The following PXYLP1 variants were observed in gnomAD, a reference collection of about 807,000 sequenced individuals.
PXYLP1 encodes 2-phosphoxylose phosphatase 1.
Under a neutral mutation model 37.9 loss-of-function variants are expected in PXYLP1, and 17 were observed. The observed-to-expected ratio is 0.45, with a 90% CI of 0.31 to 0.67. The LOEUF (loss-of-function observed/expected upper bound fraction) is 0.67. Ranked by LOEUF, PXYLP1 falls within the 30% of genes least tolerant of loss-of-function variation. The pLI is 0.07. For synonymous variants in PXYLP1, 221 were observed against 232.2 expected (o/e 0.95, Z 0.44); for missense variants, 511 against 612.0 (o/e 0.84, Z 1.74).
At chr3:141,262,224 A>G in intron 2 of PXYLP1, 1 of 941,266 alleles carries the variant, frequency 1.1e-6, no homozygotes. Context: ...AATTTAAAAT[A>G]CTCGTTTTAT....
chr3:141,243,113 C>T (rs1940852456), intron 1 of PXYLP1, among the ~76,000 whole-genome samples: 1 of 152,104 alleles, frequency 6.6e-6, no homozygotes, highest in Admixed American at 6.5e-5. Flanking sequence ...ACTCTACTGC[C>T]CCTGGAATGA....
intron 1 of PXYLP1, among the ~76,000 whole-genome samples, chr3:141,253,440 C>T (rs1399960652): frequency 6.6e-6 from 1 of 152,224 alleles, no homozygotes; most frequent in Non-Finnish European, 1.5e-5. Context: ...TCCCCACCAC[C>T]TTTAACACCA....
intron 3 of PXYLP1, among the ~76,000 whole-genome samples, chr3:141,278,755 C>T (rs1341694013): frequency 6.6e-6 from 1 of 151,362 alleles, no homozygotes; most frequent in African/African-American, 2.4e-5. Flanking sequence ...CAACCCACCA[C>T]AAATGTTTGC....
chr3:141,248,749 G>A (rs1206053677), intron 1 of PXYLP1, among the ~76,000 whole-genome samples: 5 of 6,590 alleles, frequency 7.6e-4, no homozygotes, highest in Admixed American at 1.7e-3. Flanking sequence ...ATATACACAC[G>A]TATATATATA....
intron 1 of PXYLP1, among the ~76,000 whole-genome samples, chr3:141,256,849 G>A (rs1232573372): frequency 2.0e-5 from 3 of 152,098 alleles, no homozygotes; most frequent in African/African-American, 7.2e-5. Flanking sequence ...TCAGAGGAGA[G>A]CCAGAAGTGG....
In PXYLP1 at chr3:141,231,939, GC is replaced by G. The variant is rs575087746; in HGVS notation, c.-54+29del. 3.9e-5 allele frequency: 6 copies of G among 152,754 alleles called. No homozygotes were observed. In the East Asian group the frequency reaches 1.2e-3, roughly 30 times the overall value. 9.5% of individuals were successfully genotyped at this position (152,754 alleles called of 1,614,324 possible). On this transcript the variant is annotated intron_variant, in intron 1 of 5. Coordinates refer to ENST00000286353, the MANE Select transcript of PXYLP1 (RefSeq NM_001037172.3). This position sits in a 1 kb window ranked among gnomAD's most constrained non-coding sequence, Gnocchi z 4.4. ...GAGTGCGGCGCGGGCCTGGGCCGGG[GC>G]GGTTGCCGTTGGGGCCGAGCAGCGC... is the stretch of plus-strand genomic sequence containing the variant.
At chr3:141,285,582 T>G (rs1312168342) in intron 4 of PXYLP1, among the ~76,000 whole-genome samples, 1 of 152,146 alleles carries the variant, frequency 6.6e-6, no homozygotes, top group Non-Finnish European at 1.5e-5. Flanking sequence ...CATTAAGCAG[T>G]CAGATGCCCT....
In PXYLP1 at chr3:141,287,418, A is replaced by G; in HGVS notation, c.470A>G (p.His157Arg). The change falls in exon 5 of 6, where the codon CAC becomes CGC. Residue 157 changes from histidine to arginine, a missense_variant. Coordinates refer to ENST00000286353, the MANE Select transcript of PXYLP1 (RefSeq NM_001037172.3). ...AACTCCTTGCCTCTTTACCCAAATC[A>G]CCCATTGTGTGAGATGGGAGAGCTC... is the stretch of plus-strand genomic sequence containing the variant. Reference protein sequence around the residue: ...PLNSLPLYPNHPLCEMGELTQ... With the variant: ...PLNSLPLYPNRPLCEMGELTQ... The G allele has an allele frequency of 6.2e-7, 1 of 1,613,708 alleles. No individual in the cohort carries two copies. The highest frequency in any genetic ancestry group is 8.5e-7 in the Non-Finnish European group (1 of 1,179,960).
rs1446263717 is a variant in PXYLP1, at chr3:141,274,468, A to G, written c.80-3874A>G. On this transcript the variant is annotated intron_variant, in intron 2 of 5. Transcript: ENST00000286353. ...TCTTCCCCTCCACACAGCCAGCTTC[A>G]TCAGTTTTTCAGGCCCAGCTAGGTG... 1.3e-5 allele frequency: 19 copies of G among 1,508,752 alleles called. No individual in the cohort carries two copies. The East Asian group carries it at 3.9e-4, about 31-fold the overall frequency. The allele number at this position is 1,508,752 out of a possible 1,614,324, so 93.5% of individuals were successfully genotyped here. A position where few individuals can be genotyped will look rare whatever the true frequency, so the allele number is the denominator to read the frequency against.
At chr3:141,238,652 C>T (rs1195428930) in intron 1 of PXYLP1, among the ~76,000 whole-genome samples, 3 of 151,824 alleles carry the variant, frequency 2.0e-5, no homozygotes, top group Non-Finnish European at 2.9e-5. Flanking sequence ...TGGCCCCCCA[C>T]AGTTGAAAAT....
intron 2 of PXYLP1, among the ~76,000 whole-genome samples, chr3:141,277,877 G>C: frequency 6.6e-6 from 1 of 152,172 alleles, no homozygotes; most frequent in East Asian, 1.9e-4. Context: ...TCATGGGTTA[G>C]ATGAGCGACT....
At chr3:141,258,454 A>G (rs145961646) in intron 1 of PXYLP1, 35 of 154,522 alleles carry the variant, frequency 2.3e-4, no homozygotes, top group Non-Finnish European at 4.5e-4. Flanking sequence ...AAGAAGGGCC[A>G]TTCCGCCATT....
chr3:141,274,424 C>G, intron 2 of PXYLP1: 1 of 1,463,080 alleles, frequency 6.8e-7, no homozygotes, highest in Non-Finnish European at 9.0e-7. Context: ...GTTTCACGGC[C>G]TCCCCTCTGC....
chr3:141,263,804 T>C (rs1444716406), intron 2 of PXYLP1, among the ~76,000 whole-genome samples: 1 of 152,240 alleles, frequency 6.6e-6, no homozygotes, highest in African/African-American at 2.4e-5. Context: ...TAATTATTGC[T>C]GTTTTGCAAG....
chr3:141,281,917 C>T (rs1203784574), intron 4 of PXYLP1, among the ~76,000 whole-genome samples: 2 of 152,072 alleles, frequency 1.3e-5, no homozygotes, highest in Non-Finnish European at 2.9e-5. Flanking sequence ...GGCTTCGATA[C>T]CCAGCAAGGG....
chr3:141,286,325 C>T lies in PXYLP1; in HGVS notation c.366-989C>T, dbSNP rs537247942. Among the ~76,000 whole-genome samples the T allele has an allele frequency of 2.4e-4, 37 of 152,192 alleles. 1 individual carries two copies. In the South Asian group the frequency reaches 7.0e-3, roughly 29 times the overall value. ...GATCTCATATATAAACTTTTTTTGA[C>T]ATTTATTATTACCCTATATTAAATG... On this transcript the variant is annotated intron_variant, in intron 4 of 5. Transcript: ENST00000286353.
intron 4 of PXYLP1, among the ~76,000 whole-genome samples, chr3:141,286,070 C>G (rs1375882090): frequency 1.3e-5 from 2 of 152,098 alleles, no homozygotes; most frequent in Admixed American, 6.6e-5. Context: ...GCCATTAGAA[C>G]AGTTTATCTT....
intron 2 of PXYLP1, among the ~76,000 whole-genome samples, chr3:141,268,194 AGAGAGAGAGAGAGTGT>A (rs71151419): frequency 0.38 from 44,267 of 116,136 alleles, 8,110 homozygotes; most frequent in Non-Finnish European, 0.48. Flanking sequence ...AGAGAGAGAG[AGAGAGAGAGAGAGTGT>A]GTGTGTGTGT....
intron 1 of PXYLP1, among the ~76,000 whole-genome samples, chr3:141,248,601 A>ATGTC (rs545637288): frequency 1.1e-5 from 1 of 90,564 alleles, no homozygotes; most frequent in East Asian, 2.5e-4. Context: ...ACACGTGTAT[A>ATGTC]TATACACACG....
Sources: gnomAD v4.1 joint callset for allele counts (sites outside exome capture counted in the v4.1 genomes callset) on GRCh38, gnomAD v4.1.1 for gene constraint, Gnocchi (gnomAD v3.1) non-coding constraint, MANE v1.5 for transcripts, NCBI Gene and HGNC (gene_info 2026-07-23, HGNC 2026-07-21) for gene names.